Variants in RAPGEF4 observed in about 807,000 individuals in gnomAD.
RAPGEF4 encodes the protein RAP guanine-nucleotide-exchange factor (GEF) 4.
In RAPGEF4, 66 loss-of-function variants were observed where a neutral mutation model predicts 147.9. That is an observed-to-expected ratio of 0.45 (90% confidence interval 0.37 to 0.55). The LOEUF (loss-of-function observed/expected upper bound fraction) is 0.55, where lower values mean the gene tolerates loss of function less well. Among genes scored for constraint, RAPGEF4 ranks in the 20% least tolerant of loss-of-function variants. The pLI is 0.00. For synonymous variants in RAPGEF4, 419 were observed against 442.7 expected, an observed-to-expected ratio of 0.95 and a Z score of 0.67; for missense variants, 1,071 against 1,257.3, an observed-to-expected ratio of 0.85 and a Z score of 2.24.
chr2:172,972,275 A>G (rs1363513287), intron 10 of RAPGEF4, among the ~76,000 whole-genome samples: 1 of 152,172 alleles, frequency 6.6e-6, no homozygotes, highest in East Asian at 1.9e-4. Context: ...TTATTTGTCT[A>G]AACTCTTTTC....
chr2:173,040,166 T>A (rs563351729), intron 29 of RAPGEF4, among the ~76,000 whole-genome samples: 1 of 149,232 alleles, frequency 6.7e-6, no homozygotes, highest in Non-Finnish European at 1.5e-5. Flanking sequence ...CCAGCCTGGA[T>A]GACAAGAGCA....
At position 172,814,347 on chromosome 2, in the gene RAPGEF4, C is replaced by T; in HGVS notation, c.366C>T (p.Pro122=). The change falls in exon 4 of 31, where the codon CCC becomes CCT. Residue 122 remains proline, a synonymous_variant. Transcript: ENST00000397081. ...AFGESILDNT[P]RHATIVTRES... ...GAGAGTCCATTCTGGACAACACACC[C>T]CGCCATGCAACCATCGTTACCAGGG... 4 of 1,614,136 alleles carry T rather than the reference C, an allele frequency of 2.5e-6. No homozygotes were observed. Among genetic ancestry groups the T allele is most frequent in the Non-Finnish European group, 3.4e-6 (4 of 1,179,998 alleles).
chr2:172,981,082 G>A (rs1691632289), intron 10 of RAPGEF4, among the ~76,000 whole-genome samples: 1 of 152,144 alleles, frequency 6.6e-6, no homozygotes, highest in Admixed American at 6.5e-5. Context: ...CCAGATTTTA[G>A]AGCGGAATTC....
chr2:172,877,204 GT>G (rs1180762562), intron 4 of RAPGEF4, among the ~76,000 whole-genome samples: 2 of 152,192 alleles, frequency 1.3e-5, no homozygotes, highest in African/African-American at 4.8e-5. Context: ...ATGAGTTCAT[GT>G]CCTTTGCAGG....
intron 4 of RAPGEF4, among the ~76,000 whole-genome samples, chr2:172,858,146 C>A (rs1693652705): frequency 6.6e-6 from 1 of 152,104 alleles, no homozygotes; most frequent in South Asian, 2.1e-4. Flanking sequence ...ACAACAAGAC[C>A]AGGCTTGAGC....
chr2:173,035,511 C>CAA (rs926764976), intron 27 of RAPGEF4, among the ~76,000 whole-genome samples: 3 of 65,470 alleles, frequency 4.6e-5, no homozygotes, highest in Admixed American at 1.7e-4. Context: ...ACTCTGTCTC[C>CAA]AAAAAAAAAA....
rs80131640 is a variant in RAPGEF4 at position 172,893,135 on chromosome 2, A to G, written c.445-24667A>G. ...TAGTCTGTTAAAGAGAAACGATGCT[A>G]GAAATCTCCCCAGAGTACAACGAAG... On this transcript the variant is annotated intron_variant, in intron 4 of 30. Coordinates refer to ENST00000397081, the MANE Select transcript of RAPGEF4 (RefSeq NM_007023.4). Among the ~76,000 whole-genome samples the G allele has an allele frequency of 3.2e-3, 485 of 152,356 alleles. 8 individuals are homozygous for G. The highest frequency in any genetic ancestry group is 0.023 in the Admixed American group (346 of 15,308).
At chr2:172,821,737 TAAAAAAAAAAA>T (rs35414922) in intron 4 of RAPGEF4, 178 of 820,092 alleles carry the variant, frequency 2.2e-4, no homozygotes, top group Middle Eastern at 1.2e-3. Flanking sequence ...TAACTAAAGT[TAAAAAAAAAAA>T]AAAAAAAAAA....
In RAPGEF4 at chr2:172,978,703, T is replaced by G. The variant is rs1031448806; in HGVS notation, c.1005-4793T>G. On this transcript the variant is annotated intron_variant, in intron 10 of 30. Coordinates refer to ENST00000397081, the MANE Select transcript of RAPGEF4 (RefSeq NM_007023.4). ...CTGTCTTACTCCTGTGATGGTTTTC[T>G]TCTGTGAGGGTTGAGCTGCGGCTGC... Among the ~76,000 whole-genome samples, 4 of 152,232 alleles carry G rather than the reference T, an allele frequency of 2.6e-5. No individual in the cohort carries two copies. In the South Asian group the frequency reaches 8.3e-4, roughly 32 times the overall value.
intron 5 of RAPGEF4, among the ~76,000 whole-genome samples, chr2:172,921,648 G>A (rs1259948758): frequency 7.2e-5 from 11 of 152,150 alleles, no homozygotes; most frequent in Non-Finnish European, 1.6e-4. Context: ...AAAGGAATAG[G>A]ACTGCCTGTA....
chr2:172,774,651 T>C (rs572830501), intron 1 of RAPGEF4, among the ~76,000 whole-genome samples: 1 of 152,354 alleles, frequency 6.6e-6, no homozygotes, highest in South Asian at 2.1e-4. Context: ...TTATCTCATA[T>C]AGCTCTGAAC....
Position 173,015,924 on chromosome 2 carries a change from A to T in RAPGEF4, c.1810-425A>T, listed in dbSNP as rs536125811. 2.0e-5 allele frequency among the ~76,000 whole-genome samples: 3 copies of T among 152,312 alleles called. No homozygotes were observed. The East Asian group carries it at 5.8e-4, about 29-fold the overall frequency. On this transcript the variant is annotated intron_variant, in intron 18 of 30. Coordinates refer to ENST00000397081, the MANE Select transcript of RAPGEF4 (RefSeq NM_007023.4). ...AAAATTCCCCTGAGAAAAATGAACT[A>T]AAAAAAGCACTCTTTTGTGGACTCC...
chr2:173,002,079 T>C (rs1024172769), intron 17 of RAPGEF4, among the ~76,000 whole-genome samples: 1 of 147,392 alleles, frequency 6.8e-6, no homozygotes, highest in Non-Finnish European at 1.5e-5. Context: ...TTAGCAGGAA[T>C]GGTTCCCTAA....
chr2:173,030,403 T>A, intron 26 of RAPGEF4, 149 bp downstream of exon 26: 2 of 637,570 alleles, frequency 3.1e-6, no homozygotes, highest in Non-Finnish European at 5.5e-6. Flanking sequence ...GTCTCCTTTT[T>A]CCAGTTGCCT....
intron 4 of RAPGEF4, among the ~76,000 whole-genome samples, chr2:172,915,165 A>G (rs1343467334): frequency 6.6e-6 from 1 of 152,226 alleles, no homozygotes; most frequent in Non-Finnish European, 1.5e-5. Context: ...TTCAACCCTA[A>G]TTTGGTAATC....
chr2:172,803,047 C>T (rs1185932721), intron 3 of RAPGEF4, among the ~76,000 whole-genome samples: 1 of 152,176 alleles, frequency 6.6e-6, no homozygotes, highest in Non-Finnish European at 1.5e-5. Context: ...CTTCTGGTTG[C>T]TTTCATGGGC....
In RAPGEF4 at chr2:172,960,781, G is replaced by A. The variant is rs1269677400; in HGVS notation, c.559G>A (p.Val187Ile). ...TCAGACACCTCTCATTGAACCTCAC[G>A]TTCCTCTTCGTCCTGCTAACACCAT... The part of the protein sequence containing the change: ...KENTPLIEPH[V>I]PLRPANTITK... The change falls in exon 7 of 31, where the codon GTT becomes ATT. Residue 187 changes from valine (V) to isoleucine (I), a missense_variant. Coordinates refer to ENST00000397081, the MANE Select transcript of RAPGEF4 (RefSeq NM_007023.4). 32 of 1,604,898 alleles carry A rather than the reference G, an allele frequency of 2.0e-5. No individual in the cohort carries two copies. Among genetic ancestry groups the A allele is most frequent in the South Asian group, 7.9e-5 (7 of 88,964 alleles).
rs1206831996 is a variant in RAPGEF4, at chr2:172,897,701, C to T, written c.445-20101C>T. Among the ~76,000 whole-genome samples the T allele has an allele frequency of 5.1e-5, 5 of 98,050 alleles. No homozygotes were observed. In the Admixed American group the frequency reaches 5.2e-4, roughly 10 times the overall value. 64.3% of individuals were successfully genotyped at this position (98,050 alleles called of 152,430 possible). A position where few individuals can be genotyped will look rare whatever the true frequency, so the allele number is the denominator to read the frequency against. ...ACAGGCATGAGCCACCATGCCCAGA[C>T]TCTAGGATGCTTTTGAATGGGAGTT... On this transcript the variant is annotated intron_variant, in intron 4 of 30. Coordinates refer to ENST00000397081, the MANE Select transcript of RAPGEF4 (RefSeq NM_007023.4).
chr2:172,920,195 T>C (rs1212405508), intron 5 of RAPGEF4, among the ~76,000 whole-genome samples: 1 of 152,206 alleles, frequency 6.6e-6, no homozygotes, highest in East Asian at 1.9e-4. Flanking sequence ...ATATATTTCT[T>C]AGTAGTAAAT....
Sources: allele counts gnomAD v4.1 joint callset (sites outside exome capture counted in the v4.1 genomes callset), GRCh38; gene constraint gnomAD v4.1.1; transcripts MANE v1.5; gene names NCBI Gene and HGNC (gene_info 2026-07-23, HGNC 2026-07-21).